Variants in HSDL2 observed in about 807,000 individuals in gnomAD.
HSDL2 encodes hydroxysteroid dehydrogenase-like protein 2.
In HSDL2, 27 loss-of-function variants were observed where a neutral mutation model predicts 46.3. The ratio of observed to expected loss-of-function variants is 0.58; its 90% confidence interval spans 0.43 to 0.80. The LOEUF (loss-of-function observed/expected upper bound fraction) is 0.80. HSDL2 is among the 30% of genes least tolerant of loss of function. The pLI is 0.00. For synonymous variants in HSDL2, 153 were observed against 163.6 expected (o/e 0.94, Z 0.50); for missense variants, 451 against 502.7 (o/e 0.90, Z 0.98).
At chr9:112,401,319 G>A (rs746923795) in intron 1 of HSDL2, among the ~76,000 whole-genome samples, 1 of 151,846 alleles carries the variant, frequency 6.6e-6, no homozygotes, top group Non-Finnish European at 1.5e-5. Flanking sequence ...TTTTTCAGGT[G>A]TGGTAGTGCA....
chr9:112,453,930 G>A (rs1832950140), intron 8 of HSDL2, 83 bp from the exon 9 acceptor site: 2 of 1,289,928 alleles, frequency 1.6e-6, no homozygotes, highest in South Asian at 1.5e-5. Flanking sequence ...TTGGTGGCAA[G>A]TCTGTCCTGC....
intron 8 of HSDL2, among the ~76,000 whole-genome samples, chr9:112,446,802 A>G (rs2132681468): frequency 6.6e-6 from 1 of 152,330 alleles, no homozygotes; most frequent in Non-Finnish European, 1.5e-5. Flanking sequence ...TGGGAGCTAC[A>G]AGCTTTGGAA....
At chr9:112,421,053 G>C (rs1229569384) in intron 6 of HSDL2, among the ~76,000 whole-genome samples, 1 of 152,158 alleles carries the variant, frequency 6.6e-6, no homozygotes, top group African/African-American at 2.4e-5. Context: ...TAACAGGCCA[G>C]TTGCAGTGGC....
intron 1 of HSDL2, among the ~76,000 whole-genome samples, chr9:112,395,330 T>C (rs9919042): frequency 0.92 from 140,780 of 152,254 alleles, 65,221 homozygotes; most frequent in African/African-American, 0.98. Context: ...TCAGTATGCA[T>C]ACGAAGTTTA....
chr9:112,413,214 C>A (rs1358858734), intron 4 of HSDL2, among the ~76,000 whole-genome samples: 1 of 152,026 alleles, frequency 6.6e-6, no homozygotes, highest in East Asian at 1.9e-4. Context: ...TGTGGTGGCT[C>A]ACGCCTGTAA....
chr9:112,422,730 A>G lies in HSDL2; in HGVS notation c.598+3772A>G, dbSNP rs555060297. Among the ~76,000 whole-genome samples, 3 of 152,324 alleles carry G rather than the reference A, an allele frequency of 2.0e-5. No individual in the cohort carries two copies. In the East Asian group the frequency reaches 5.8e-4, roughly 29 times the overall value. ...GAAACAGTTCCCTTGAGCTGAAGAA[A>G]GACCGATATGGATGTAAACTAAAAG... On this transcript the variant is annotated intron_variant, in intron 6 of 10. Transcript: ENST00000398805.
At chr9:112,399,641 G>T (rs1312784473) in intron 1 of HSDL2, among the ~76,000 whole-genome samples, 1 of 152,148 alleles carries the variant, frequency 6.6e-6, no homozygotes, top group Admixed American at 6.5e-5. Flanking sequence ...CCCCAGGAAT[G>T]CATTCCTTTC....
intron 4 of HSDL2, among the ~76,000 whole-genome samples, chr9:112,416,447 CA>C (rs1447192113): frequency 2.1e-5 from 3 of 140,110 alleles, no homozygotes; most frequent in African/African-American, 6.1e-5. Context: ...AAAAAACAAA[CA>C]AAAAAAAAGA....
chr9:112,460,179 A>G (rs1447766007), intron 10 of HSDL2, among the ~76,000 whole-genome samples: 1 of 152,242 alleles, frequency 6.6e-6, no homozygotes, highest in Non-Finnish European at 1.5e-5. Context: ...AATTCTAAAA[A>G]ATTAGAAGCA....
intron 4 of HSDL2, 67 bp from the exon 5 acceptor site, chr9:112,416,774 T>A: frequency 4.6e-6 from 3 of 653,636 alleles, no homozygotes; most frequent in Non-Finnish European, 7.9e-6. Flanking sequence ...CCCCCTCTCT[T>A]AAAAAAAAAA....
In HSDL2 at chr9:112,395,167, T is replaced by C. The variant is rs115565685; in HGVS notation, c.18-8828T>C. On this transcript the variant is annotated intron_variant, in intron 1 of 10. Coordinates refer to ENST00000398805, the MANE Select transcript of HSDL2 (RefSeq NM_032303.5). ...GAAAAAGAAAGGTAATTAGGAGATG[T>C]GGGATTAGTTAGAGGGGTCTCTGTT... Among the ~76,000 whole-genome samples the C allele has an allele frequency of 9.2e-3, 1,394 of 152,192 alleles. 26 individuals are homozygous for C. The highest frequency in any genetic ancestry group is 0.031 in the African/African-American group (1,306 of 41,514).
chr9:112,450,964 G>A (rs1325946641), intron 8 of HSDL2, among the ~76,000 whole-genome samples: 1 of 152,054 alleles, frequency 6.6e-6, no homozygotes, highest in Non-Finnish European at 1.5e-5. Context: ...ATCATGGGTG[G>A]CTGAGGCGGG....
chr9:112,447,081 C>T (rs1455833560), intron 8 of HSDL2, among the ~76,000 whole-genome samples: 4 of 152,160 alleles, frequency 2.6e-5, no homozygotes, highest in Non-Finnish European at 5.9e-5. Flanking sequence ...GATTGTGTAT[C>T]AGTCTAGGTG....
Position 112,454,000 on chromosome 9 carries a change from T to G in HSDL2, c.866-13T>G. 1 of 1,610,014 alleles carries G rather than the reference T, an allele frequency of 6.2e-7. No homozygotes were observed. Among genetic ancestry groups the G allele is most frequent in the Non-Finnish European group, 8.5e-7 (1 of 1,178,556 alleles). ...CAAGCATTAAGGTCATTTGCTTCAA[T>G]AATATCTTATAGGTGCTGTTCCAGA... On this transcript the variant is annotated splice_polypyrimidine_tract_variant and intron_variant, in intron 8 of 10. Coordinates refer to ENST00000398805, the MANE Select transcript of HSDL2 (RefSeq NM_032303.5).
Position 112,454,118 on chromosome 9 carries a change from A to G in HSDL2, c.971A>G (p.Asp324Gly). The change falls in exon 9 of 11, where the codon GAT (aspartate) becomes GGT (glycine). Residue 324 changes from aspartate to glycine, a missense_variant. Asp to Gly is a moderately conservative substitution (Grantham distance 94, BLOSUM62 -1). Coordinates refer to ENST00000398805, the MANE Select transcript of HSDL2 (RefSeq NM_032303.5). Reference protein sequence around the residue: ...FRIVKDSLSDDVVKATQAIYL... With the variant: ...FRIVKDSLSDGVVKATQAIYL... ...ATTGTTAAGGACTCTCTCAGTGATG[A>G]TGTTGTTAAAGCCACTCAAGCAATC... The G allele has an allele frequency of 6.2e-7, 1 of 1,614,042 alleles. No homozygotes were observed. The highest frequency in any genetic ancestry group is 1.1e-5 in the South Asian group (1 of 91,082).
intron 10 of HSDL2, 98 bp downstream of exon 10, chr9:112,459,675 G>C (rs986074951): frequency 2.9e-6 from 3 of 1,033,614 alleles, no homozygotes; most frequent in African/African-American, 1.6e-5. Flanking sequence ...ACTTGTAAAT[G>C]TTGGCAGCAG....
At chr9:112,452,713 T>A (rs938610914) in intron 8 of HSDL2, among the ~76,000 whole-genome samples, 1 of 152,122 alleles carries the variant, frequency 6.6e-6, no homozygotes, top group African/African-American at 2.4e-5. Flanking sequence ...GCCACTGCAC[T>A]CCAGCCTGGG....
intron 1 of HSDL2, among the ~76,000 whole-genome samples, chr9:112,393,022 T>C (rs6477926): frequency 0.48 from 72,617 of 151,998 alleles, 17,754 homozygotes; most frequent in Admixed American, 0.55. Context: ...AAATGAGCCA[T>C]GGCGATGAAG....
chr9:112,408,782 T>C (rs10733588), intron 3 of HSDL2, 125 bp from the exon 4 acceptor site: 520,488 of 548,778 alleles, frequency 0.95, 246,984 homozygotes, highest in East Asian at 1. Context: ...CCATTGTTGA[T>C]TGAAATGTTA....
Sources: allele counts gnomAD v4.1 joint callset (sites outside exome capture counted in the v4.1 genomes callset), GRCh38; gene constraint gnomAD v4.1.1; transcripts MANE v1.5; gene names NCBI Gene and HGNC (gene_info 2026-07-23, HGNC 2026-07-21).